The following POU6F2 variants were observed in gnomAD, a reference collection of about 807,000 sequenced individuals.
POU6F2 encodes POU domain, class 6, transcription factor 2.
POU6F2 carries 31 observed loss-of-function variants against 71.3 expected under a neutral mutation model. That is an observed-to-expected ratio of 0.43 (90% CI 0.33 to 0.59). The LOEUF is 0.59. POU6F2 is among the 20% of genes least tolerant of loss of function. The probability of loss-of-function intolerance (pLI) is 0.04; values close to 1 mark genes in which losing one functional copy is unlikely to be tolerated. For missense variants in POU6F2, 783 were observed against 856.8 expected, an observed-to-expected ratio of 0.91 and a Z score of 1.07; for synonymous variants, 347 against 355.7, an observed-to-expected ratio of 0.98 and a Z score of 0.27.
chr7:39,162,287 T>C (rs936725357), intron 2 of POU6F2, among the ~76,000 whole-genome samples: 2 of 152,170 alleles, frequency 1.3e-5, no homozygotes, highest in African/African-American at 4.8e-5. Flanking sequence ...TTAGGATATT[T>C]TAATTTGTAT....
intron 5 of POU6F2, among the ~76,000 whole-genome samples, chr7:39,385,182 CCTGAG>C (rs1786910243): frequency 1.3e-5 from 2 of 152,214 alleles, no homozygotes; most frequent in East Asian, 3.9e-4. Context: ...TAAATTTAAC[CCTGAG>C]CTTCCTGAGG....
At chr7:39,416,714 A>T (rs1010912095) in intron 6 of POU6F2, among the ~76,000 whole-genome samples, 11 of 152,226 alleles carry the variant, frequency 7.2e-5, no homozygotes, top group Admixed American at 6.5e-4. Flanking sequence ...ATTACACTTA[A>T]AGTCATACCA....
At chr7:39,185,909 G>A (rs1353381423) in intron 2 of POU6F2, among the ~76,000 whole-genome samples, 1 of 120,776 alleles carries the variant, frequency 8.3e-6, no homozygotes, top group Non-Finnish European at 2.0e-5. Context: ...GTATATATAT[G>A]TATATGTATA....
At chr7:39,212,426 A>G (rs1562749040) in intron 4 of POU6F2, among the ~76,000 whole-genome samples, 1 of 152,186 alleles carries the variant, frequency 6.6e-6, no homozygotes, top group Non-Finnish European at 1.5e-5. Context: ...TGGGATTCAG[A>G]AATGCTCTAC....
At chr7:39,176,567 C>G (rs1238773396) in intron 2 of POU6F2, among the ~76,000 whole-genome samples, 3 of 152,110 alleles carry the variant, frequency 2.0e-5, no homozygotes, top group Non-Finnish European at 4.4e-5. Context: ...ATAGGGAGAG[C>G]CTTTTCCTTT....
chr7:39,013,886 A>T (rs968823161), intron 1 of POU6F2, among the ~76,000 whole-genome samples: 7 of 152,130 alleles, frequency 4.6e-5, no homozygotes, highest in African/African-American at 1.7e-4. Context: ...TTTTACTTTA[A>T]ATATACTAGC....
intron 5 of POU6F2, among the ~76,000 whole-genome samples, chr7:39,388,734 T>G (rs1336575012): frequency 6.6e-6 from 1 of 152,248 alleles, no homozygotes; most frequent in Admixed American, 6.5e-5. Context: ...AGAAAAGTCT[T>G]TATTTTGCTG....
rs543465907 is a variant in POU6F2 at position 39,465,878 on chromosome 7, C to G, written c.*1192C>G. 6.6e-6 allele frequency: 1 copy of G among 152,182 alleles called. No homozygotes were observed. The highest frequency in any genetic ancestry group is 1.5e-5 in the Non-Finnish European group (1 of 68,034). The allele number at this position is 152,182 out of a possible 1,614,324, so 9.4% of individuals were successfully genotyped here. On this transcript the variant is annotated 3_prime_UTR_variant, in exon 10 of 10. Transcript: ENST00000518318. ...ATCTATGTTATGCTTCTGTGCAAAG[C>G]AATTTCTCTCAGAAGTCTGATAGCC...
chr7:39,314,311 C>A (rs1425149553), intron 4 of POU6F2, among the ~76,000 whole-genome samples: 1 of 152,194 alleles, frequency 6.6e-6, no homozygotes, highest in Non-Finnish European at 1.5e-5. Flanking sequence ...AGCAGATCAT[C>A]CCCTATTTCT....
At chr7:39,044,760 A>G (rs745859060) in intron 1 of POU6F2, among the ~76,000 whole-genome samples, 6 of 151,992 alleles carry the variant, frequency 3.9e-5, no homozygotes, top group Non-Finnish European at 7.4e-5. Context: ...TTTTTTGCAG[A>G]AAAAACATGT....
At chr7:39,002,930 T>C (rs1788953666) in intron 1 of POU6F2, among the ~76,000 whole-genome samples, 1 of 152,180 alleles carries the variant, frequency 6.6e-6, no homozygotes. Context: ...GAAAAGAGCG[T>C]TTTAAAATTT....
intron 4 of POU6F2, among the ~76,000 whole-genome samples, chr7:39,333,579 A>C (rs1430400038): frequency 6.6e-6 from 1 of 152,054 alleles, no homozygotes; most frequent in East Asian, 1.9e-4. Flanking sequence ...TCTACCAAAA[A>C]TACAAAAAAT....
In POU6F2 at chr7:39,197,766, G is replaced by A. The variant is rs116269224; in HGVS notation, c.278-6469G>A. Among the ~76,000 whole-genome samples, 1,435 of 152,264 alleles carry A rather than the reference G, an allele frequency of 9.4e-3. 22 individuals are homozygous for A. The highest frequency in any genetic ancestry group is 0.033 in the African/African-American group (1,374 of 41,532). On this transcript the variant is annotated intron_variant, in intron 2 of 9. Coordinates refer to ENST00000518318, the MANE Select transcript of POU6F2 (RefSeq NM_001370959.1). ...TGCTCTAAAATCTGTGTCTGACTTC[G>A]TTCCGCTGATTCTGACACACACCTC...
intron 5 of POU6F2, among the ~76,000 whole-genome samples, chr7:39,370,218 G>A (rs1217540453): frequency 2.6e-5 from 4 of 152,204 alleles, no homozygotes; most frequent in Non-Finnish European, 5.9e-5. Context: ...ATTTCCCAGT[G>A]TAAATGAAAG....
chr7:39,229,017 A>T (rs1156650731), intron 4 of POU6F2, among the ~76,000 whole-genome samples: 1 of 152,138 alleles, frequency 6.6e-6, no homozygotes, highest in African/African-American at 2.4e-5. Flanking sequence ...TGCTGATCAG[A>T]TAGCCATCTC....
At chr7:39,308,362 A>T (rs113394670) in intron 4 of POU6F2, among the ~76,000 whole-genome samples, 1 of 152,184 alleles carries the variant, frequency 6.6e-6, no homozygotes, top group Non-Finnish European at 1.5e-5. Flanking sequence ...ATCTCAGTGA[A>T]ACGTGTGATC....
At chr7:39,028,482 C>T (rs1789866677) in intron 1 of POU6F2, among the ~76,000 whole-genome samples, 1 of 151,942 alleles carries the variant, frequency 6.6e-6, no homozygotes, top group Non-Finnish European at 1.5e-5. Flanking sequence ...TCATAAAGGT[C>T]CTGATATCTG....
Position 39,375,817 on chromosome 7 carries a change from G to C in POU6F2, c.973-30783G>C, listed in dbSNP as rs114026911. Among the ~76,000 whole-genome samples the C allele has an allele frequency of 9.2e-3, 1,398 of 152,216 alleles. 15 individuals carry two copies. Among genetic ancestry groups the C allele is most frequent in the African/African-American group, 0.032 (1,345 of 41,524 alleles). On this transcript the variant is annotated intron_variant, in intron 5 of 9. Coordinates refer to ENST00000518318, the MANE Select transcript of POU6F2 (RefSeq NM_001370959.1). ...TAAGTGTTCAGGTTGGCAGTCAATA[G>C]CAGGAGATGCTTTGGCAGAAAGAGC...
At chr7:39,044,527 CGTT>C (rs760956478) in intron 1 of POU6F2, among the ~76,000 whole-genome samples, 12 of 152,004 alleles carry the variant, frequency 7.9e-5, no homozygotes, top group Admixed American at 1.3e-4. Context: ...AATTAAAAGA[CGTT>C]GTTTTTCTGA....
Sources: allele counts gnomAD v4.1 joint callset (sites outside exome capture counted in the v4.1 genomes callset), GRCh38; gene constraint gnomAD v4.1.1; transcripts MANE v1.5; gene names NCBI Gene and HGNC (gene_info 2026-07-23, HGNC 2026-07-21).